NSD1: variants seen among roughly 807,000 people sequenced by gnomAD.
NSD1 encodes the protein histone-lysine N-methyltransferase, H3 lysine-36 specific.
In NSD1, 26 loss-of-function variants were observed where a neutral mutation model predicts 242.7. The observed-to-expected ratio is 0.11, with a 90% CI of 0.08 to 0.15. NSD1 has a LOEUF of 0.15. Among genes scored for constraint, NSD1 ranks in the 10% least tolerant of loss-of-function variants. NSD1 has a pLI of 1.00. For missense variants in NSD1, 2,495 were observed against 3,272.8 expected, an observed-to-expected ratio of 0.76 and a Z score of 5.80; for synonymous variants, 1,106 against 1,178.1, an observed-to-expected ratio of 0.94 and a Z score of 1.25.
chr5:177,194,916 T>C (rs1237142057), intron 3 of NSD1, among the ~76,000 whole-genome samples: 2 of 151,904 alleles, frequency 1.3e-5, no homozygotes, highest in Non-Finnish European at 2.9e-5. Context: ...TCCAGCACTT[T>C]GGGAGGCTAA....
intron 3 of NSD1, among the ~76,000 whole-genome samples, chr5:177,199,708 T>A (rs2149831259): frequency 6.6e-6 from 1 of 152,216 alleles, no homozygotes; most frequent in Admixed American, 6.5e-5. Flanking sequence ...CAAGCAATTC[T>A]CCTGCCTCAA....
intron 2 of NSD1, among the ~76,000 whole-genome samples, chr5:177,162,215 T>G (rs1758814663): frequency 6.6e-6 from 1 of 151,796 alleles, no homozygotes; most frequent in African/African-American, 2.4e-5. Context: ...TGAGAATTGC[T>G]TCAACCCGGG....
chr5:177,255,139 T>G (rs573568230), intron 12 of NSD1, among the ~76,000 whole-genome samples: 1 of 152,244 alleles, frequency 6.6e-6, no homozygotes, highest in African/African-American at 2.4e-5. Flanking sequence ...ACCTTGTCTC[T>G]ACTGAAAATA....
chr5:177,178,875 T>C (rs1581217352), intron 2 of NSD1, among the ~76,000 whole-genome samples: 1 of 152,152 alleles, frequency 6.6e-6, no homozygotes, highest in South Asian at 2.1e-4. Flanking sequence ...TTGAGACTCT[T>C]AGAGTGTGGT....
chr5:177,179,247 C>T (rs1397314600), intron 2 of NSD1, among the ~76,000 whole-genome samples: 3 of 152,182 alleles, frequency 2.0e-5, no homozygotes, highest in Admixed American at 6.6e-5. Flanking sequence ...CAGAGTTTCA[C>T]TCTTATTGCC....
chr5:177,162,826 A>G (rs1054377708), intron 2 of NSD1, among the ~76,000 whole-genome samples: 1 of 151,434 alleles, frequency 6.6e-6, no homozygotes, highest in Admixed American at 6.6e-5. Context: ...TACCTCACCC[A>G]TCTAATTTTT....
At position 177,297,718 on chromosome 5, in the gene NSD1, TTCTAAAGTAGCTTC is replaced by T. The variant is rs1406031469; in HGVS notation, c.*2270_*2283del. ...AAAAATTTTCCGTGGAGAAGTTTGA[TTCTAAAGTAGCTTC>T]TCTAAAGTAGGCTTTGGTAGGTAAT... On this transcript the variant is annotated 3_prime_UTR_variant, in exon 23 of 23. Transcript: ENST00000439151. 8.6e-6 allele frequency: 2 copies of T among 232,484 alleles called. No individual in the cohort carries two copies. The highest frequency in any genetic ancestry group is 1.7e-5 in the Non-Finnish European group (2 of 117,676). 14.4% of individuals were successfully genotyped at this position (232,484 alleles called of 1,614,324 possible).
chr5:177,168,995 G>C lies in NSD1; in HGVS notation c.928-22889G>C, dbSNP rs536698101. 2.0e-5 allele frequency among the ~76,000 whole-genome samples: 3 copies of C among 152,286 alleles called. No homozygotes were observed. The East Asian group carries it at 5.8e-4, about 29-fold the overall frequency. On this transcript the variant is annotated intron_variant, in intron 2 of 22. Transcript: ENST00000439151. ...CATTGTTTGTGCAACGTGTAGTTGGGCATTGTCATGAATAATTGGGCCCTT... is the reference window on the plus strand; with the variant it reads ...CATTGTTTGTGCAACGTGTAGTTGGCCATTGTCATGAATAATTGGGCCCTT...
At chr5:177,267,787 C>A in intron 15 of NSD1, 69 bp downstream of exon 15, 1 of 1,444,710 alleles carries the variant, frequency 6.9e-7, no homozygotes, top group Non-Finnish European at 9.7e-7. Flanking sequence ...AGATACAATG[C>A]TTAACGTATT....
chr5:177,185,782 A>C (rs1358183276), intron 2 of NSD1, among the ~76,000 whole-genome samples: 1 of 39,088 alleles, frequency 2.6e-5, no homozygotes, highest in South Asian at 8.9e-4. Flanking sequence ...TATATTATAT[A>C]TGTATATTAT....
chr5:177,288,758 T>TA, intron 20 of NSD1, 61 bp from the exon 21 acceptor site: 1 of 1,224,104 alleles, frequency 8.2e-7, no homozygotes, highest in Non-Finnish European at 1.2e-6. Context: ...CCTTTGTAAT[T>TA]AATACAGAAA....
chr5:177,220,102 G>A (rs775912409), intron 5 of NSD1, among the ~76,000 whole-genome samples: 3 of 152,096 alleles, frequency 2.0e-5, no homozygotes, highest in Non-Finnish European at 4.4e-5. Context: ...TTTCTTTATT[G>A]ATCTTCATTG....
intron 2 of NSD1, among the ~76,000 whole-genome samples, chr5:177,153,098 A>C (rs919572316): frequency 6.6e-6 from 1 of 152,152 alleles, no homozygotes; most frequent in Non-Finnish European, 1.5e-5. Flanking sequence ...CAGGTCATTA[A>C]ACCACTGAAA....
At chr5:177,205,517 T>C (rs1485542399) in intron 4 of NSD1, among the ~76,000 whole-genome samples, 1 of 151,584 alleles carries the variant, frequency 6.6e-6, no homozygotes, top group South Asian at 2.1e-4. Flanking sequence ...TCCTCCAGTT[T>C]TTTTTATTGT....
At chr5:177,285,809 T>C (rs1759279968) in intron 20 of NSD1, among the ~76,000 whole-genome samples, 2 of 152,156 alleles carry the variant, frequency 1.3e-5, no homozygotes, top group Admixed American at 1.3e-4. Flanking sequence ...CTTTGCTCAG[T>C]CACTGTTGTC....
At chr5:177,156,174 ATTTTTTTTTTTT>A (rs34417228) in intron 2 of NSD1, among the ~76,000 whole-genome samples, 1 of 78,008 alleles carries the variant, frequency 1.3e-5, no homozygotes, top group Non-Finnish European at 2.3e-5. Flanking sequence ...CTCTTTTCAG[ATTTTTTTTTTTT>A]TTTTTTTTTT....
intron 7 of NSD1, among the ~76,000 whole-genome samples, chr5:177,239,401 A>G (rs929248227): frequency 2.0e-5 from 3 of 152,104 alleles, no homozygotes; most frequent in African/African-American, 7.2e-5. Context: ...ATCTTTGTCC[A>G]TTTATGACCA....
Position 177,210,459 on chromosome 5 carries a change from C to A in NSD1, c.2060C>A (p.Ser687Tyr). ...SMQKNEKIKY[S>Y]RFAATNTRVK... ...CAGAAAAATGAAAAGATAAAGTATT[C>A]TAGGTTTGCTGCCACAAACACTAGG... Residue 687 changes from serine to tyrosine, a missense_variant, in exon 5 of 23, where the codon TCT becomes TAT. By Grantham distance (144) the Ser-to-Tyr change is moderately radical. Transcript: ENST00000439151. The A allele has an allele frequency of 6.2e-7, 1 of 1,614,102 alleles. No individual in the cohort carries two copies. Among genetic ancestry groups the A allele is most frequent in the Non-Finnish European group, 8.5e-7 (1 of 1,179,994 alleles).
chr5:177,299,481 G>C lies in NSD1; in HGVS notation c.*4022G>C. 4.3e-6 allele frequency: 1 copy of C among 233,278 alleles called. No homozygotes were observed. Among genetic ancestry groups the C allele is most frequent in the Non-Finnish European group, 8.5e-6 (1 of 118,072 alleles). 14.5% of individuals were successfully genotyped at this position (233,278 alleles called of 1,614,324 possible). A position where few individuals can be genotyped will look rare whatever the true frequency, so the allele number is the denominator to read the frequency against. On this transcript the variant is annotated 3_prime_UTR_variant, in exon 23 of 23. Coordinates refer to ENST00000439151, the MANE Select transcript of NSD1 (RefSeq NM_022455.5). ...CCTCCGTCCACGCTGCCTGGAGCAG[G>C]TTGTTAGAGAGCTCTGGTTGTTGGG...
Sources: gnomAD v4.1 joint callset for allele counts (sites outside exome capture counted in the v4.1 genomes callset) on GRCh38, gnomAD v4.1.1 for gene constraint, MANE v1.5 for transcripts, NCBI Gene and HGNC (gene_info 2026-07-23, HGNC 2026-07-21) for gene names.